Variants in TMEM209 observed in about 807,000 individuals in gnomAD.
TMEM209 encodes the protein testicular tissue protein Li 202.
Under a neutral mutation model 76.2 loss-of-function variants are expected in TMEM209, and 65 were observed. The observed-to-expected ratio is 0.85, with a 90% CI of 0.70 to 1.05. The LOEUF (loss-of-function observed/expected upper bound fraction) is 1.05. TMEM209 is among the 50% of genes least tolerant of loss of function. TMEM209 has a pLI of 0.00. For missense variants in TMEM209, 623 were observed against 685.5 expected (o/e 0.91, Z 1.02); for synonymous variants, 239 against 237.6 (o/e 1.01, Z -0.06).
chr7:130,195,607 C>A (rs1387697295), intron 5 of TMEM209, among the ~76,000 whole-genome samples: 2 of 147,960 alleles, frequency 1.4e-5, no homozygotes, highest in Non-Finnish European at 3.0e-5. Flanking sequence ...ACCTGGTCAT[C>A]AATTATTCCT....
intron 14 of TMEM209, among the ~76,000 whole-genome samples, chr7:130,167,863 C>T (rs1796930301): frequency 6.6e-6 from 1 of 152,092 alleles, no homozygotes; most frequent in Non-Finnish European, 1.5e-5. Context: ...AAGTTTTTAA[C>T]TATTTGTTTT....
At chr7:130,185,097 A>G in intron 7 of TMEM209, 95 bp downstream of exon 7, 5 of 1,368,134 alleles carry the variant, frequency 3.7e-6, no homozygotes, top group Non-Finnish European at 4.9e-6. Flanking sequence ...TCTGTCCAAC[A>G]GAATGGAAGA....
chr7:130,192,933 T>C lies in TMEM209; in HGVS notation c.574-110A>G, dbSNP rs1388036734. On this transcript the variant is annotated intron_variant, in intron 5 of 14. Transcript: ENST00000397622. ...GTAGAATGGCGAAAATCCACAATACTGACAACATCAAACGCTGATGAGGTT... is the reference window on the plus strand; with the variant it reads ...GTAGAATGGCGAAAATCCACAATACCGACAACATCAAACGCTGATGAGGTT... The C allele has an allele frequency of 5.1e-6, 5 of 989,054 alleles. No individual in the cohort carries two copies. In the East Asian group the frequency reaches 7.9e-5, roughly 16 times the overall value. The allele number at this position is 989,054 out of a possible 1,614,324, so 61.3% of individuals were successfully genotyped here.
chr7:130,204,921 GTGTGTGGA>G, intron 1 of TMEM209: 3 of 1,050,394 alleles, frequency 2.9e-6, no homozygotes, highest in Non-Finnish European at 3.5e-6. Flanking sequence ...TCTCCCTTTT[GTGTGTGGA>G]TAAAGGACAA....
At chr7:130,188,244 G>C (rs1797667870) in intron 6 of TMEM209, among the ~76,000 whole-genome samples, 1 of 152,172 alleles carries the variant, frequency 6.6e-6, no homozygotes, top group East Asian at 1.9e-4. Flanking sequence ...GGGTAAAACA[G>C]AATGCTCCTC....
intron 10 of TMEM209, among the ~76,000 whole-genome samples, chr7:130,177,017 G>A (rs1466683573): frequency 3.4e-5 from 4 of 119,402 alleles, no homozygotes; most frequent in East Asian, 2.5e-4. Context: ...GTGACAGAGC[G>A]AGCCGGGTCT....
At chr7:130,201,678 A>T in intron 5 of TMEM209, 172 bp downstream of exon 5, 1 of 818,996 alleles carries the variant, frequency 1.2e-6, no homozygotes, top group South Asian at 1.9e-5. Context: ...TTTCTCTTTC[A>T]TTTTAAGATG....
intron 6 of TMEM209, among the ~76,000 whole-genome samples, chr7:130,190,432 C>T (rs1797754127): frequency 6.6e-6 from 1 of 151,522 alleles, no homozygotes; most frequent in Non-Finnish European, 1.5e-5. Flanking sequence ...GCAGGAGAAT[C>T]GCTTGAACCT....
intron 10 of TMEM209, among the ~76,000 whole-genome samples, chr7:130,176,468 T>C (rs1403090197): frequency 2.0e-5 from 3 of 152,202 alleles, no homozygotes; most frequent in East Asian, 3.8e-4. Flanking sequence ...AAAACCTTTA[T>C]ATACTTTGTA....
intron 13 of TMEM209, among the ~76,000 whole-genome samples, chr7:130,172,868 G>A (rs566921376): frequency 2.3e-4 from 35 of 151,462 alleles, no homozygotes; most frequent in African/African-American, 6.3e-4. Flanking sequence ...GTGTGGTGGC[G>A]GGTGCCTGTA....
chr7:130,201,694 T>C (rs1476218236), intron 5 of TMEM209, 156 bp downstream of exon 5: 1 of 917,812 alleles, frequency 1.1e-6, no homozygotes, highest in Admixed American at 2.9e-5. Flanking sequence ...AGATGTTGTG[T>C]TTAAGATATT....
intron 5 of TMEM209, among the ~76,000 whole-genome samples, chr7:130,193,275 G>A (rs946230836): frequency 2.0e-5 from 3 of 152,184 alleles, no homozygotes; most frequent in Non-Finnish European, 4.4e-5. Context: ...GCTGGGCACG[G>A]TGGCTCACAC....
intron 14 of TMEM209, among the ~76,000 whole-genome samples, chr7:130,169,085 G>A (rs554508973): frequency 7.3e-5 from 11 of 151,538 alleles, no homozygotes; most frequent in African/African-American, 2.4e-4. Flanking sequence ...AAAAATACCC[G>A]GCATGGTGGC....
chr7:130,177,437 T>C (rs1354668976), intron 10 of TMEM209, among the ~76,000 whole-genome samples: 1 of 151,752 alleles, frequency 6.6e-6, no homozygotes, highest in Non-Finnish European at 1.5e-5. Context: ...CGGTGGCTCA[T>C]GTCTATAATC....
In TMEM209 at chr7:130,181,605, G is replaced by T; in HGVS notation, c.1120+18C>A. 1 of 1,597,418 alleles carries T rather than the reference G, an allele frequency of 6.3e-7. No homozygotes were observed. The highest frequency in any genetic ancestry group is 8.6e-7 in the Non-Finnish European group (1 of 1,168,832). ...ATTTACTAATAGAAATCCAACACTG[G>T]GCTCTGTTTTCACATACCTCCTATC... On this transcript the variant is annotated intron_variant, in intron 9 of 14. Transcript: ENST00000397622.
chr7:130,197,634 T>C (rs896342147), intron 5 of TMEM209, among the ~76,000 whole-genome samples: 5 of 152,160 alleles, frequency 3.3e-5, no homozygotes, highest in African/African-American at 1.2e-4. Flanking sequence ...ATATTAAGAG[T>C]GTTTTCAGCA....
chr7:130,185,900 T>C (rs964379979), intron 6 of TMEM209, among the ~76,000 whole-genome samples: 1 of 152,212 alleles, frequency 6.6e-6, no homozygotes, highest in Non-Finnish European at 1.5e-5. Context: ...GTTATCCTTC[T>C]AAATTTATAA....
chr7:130,172,043 T>TA (rs1465549587), intron 13 of TMEM209, among the ~76,000 whole-genome samples: 1 of 149,984 alleles, frequency 6.7e-6, no homozygotes, highest in African/African-American at 2.5e-5. Context: ...AAAAAAAGAG[T>TA]AAAAAATCTG....
At chr7:130,205,002 A>T in intron 1 of TMEM209, 1 of 1,173,446 alleles carries the variant, frequency 8.5e-7, no homozygotes, top group South Asian at 2.3e-5. Context: ...AGAGGGAGAG[A>T]GGGGAAAACG....
Sources: gnomAD v4.1 joint callset for allele counts (sites outside exome capture counted in the v4.1 genomes callset) on GRCh38, gnomAD v4.1.1 for gene constraint, MANE v1.5 for transcripts, NCBI Gene and HGNC (gene_info 2026-07-23, HGNC 2026-07-21) for gene names.